The following LINGO2 variants were observed in gnomAD, a reference collection of about 807,000 sequenced individuals.
LINGO2 encodes leucine-rich repeat and immunoglobulin-like domain-containing nogo receptor-interacting protein 2.
Under a neutral mutation model 30.6 loss-of-function variants are expected in LINGO2, and 14 were observed. The observed-to-expected ratio is 0.46, with a 90% CI of 0.30 to 0.72. The LOEUF (loss-of-function observed/expected upper bound fraction) is 0.72. Ranked by LOEUF, LINGO2 falls within the 30% of genes least tolerant of loss-of-function variation. The pLI is 0.07. For missense variants in LINGO2, 729 were observed against 751.7 expected (o/e 0.97, Z 0.35); for synonymous variants, 317 against 288.5 (o/e 1.10, Z -1.00).
intron 3 of LINGO2, among the ~76,000 whole-genome samples, chr9:28,361,734 GT>G (rs983670886): frequency 2.6e-5 from 4 of 151,732 alleles, no homozygotes; most frequent in African/African-American, 7.3e-5. Context: ...TAATTAATAT[GT>G]TTTTTTCCAT....
rs540322489 is a variant in LINGO2, at chr9:28,416,586, G to A, written c.-278-43718C>T. On this transcript the variant is annotated intron_variant, in intron 2 of 5. Transcript: ENST00000379992. ...CAAAGTGTTCCAAATGAATTACAAT[G>A]AGTGAATCCCTTCTATCCCAGCACA... Among the ~76,000 whole-genome samples the A allele has an allele frequency of 2.9e-4, 44 of 152,248 alleles. 1 individual carries two copies. Among genetic ancestry groups the A allele is most frequent in the African/African-American group, 1.0e-3 (42 of 41,546 alleles).
intron 2 of LINGO2, among the ~76,000 whole-genome samples, chr9:28,456,153 C>T (rs1177298596): frequency 6.6e-6 from 1 of 152,168 alleles, no homozygotes; most frequent in Admixed American, 6.6e-5. Context: ...GCTATTCAAT[C>T]ACCACATAAA....
chr9:28,387,273 C>G (rs1821622144), intron 2 of LINGO2, among the ~76,000 whole-genome samples: 1 of 151,964 alleles, frequency 6.6e-6, no homozygotes, highest in Admixed American at 6.6e-5. Flanking sequence ...AATTGGCACT[C>G]TGTGTCTAAA....
chr9:28,574,841 T>C (rs138563559), intron 1 of LINGO2, among the ~76,000 whole-genome samples: 45 of 152,274 alleles, frequency 3.0e-4, no homozygotes, highest in African/African-American at 9.9e-4. Context: ...ATTCTGGGCT[T>C]CTCACTCTCA....
intron 4 of LINGO2, among the ~76,000 whole-genome samples, chr9:28,028,388 G>T (rs997067248): frequency 1.3e-5 from 2 of 152,124 alleles, no homozygotes; most frequent in African/African-American, 4.8e-5. Context: ...GTTACATCAT[G>T]ATGAGCTGGT....
intron 1 of LINGO2, among the ~76,000 whole-genome samples, chr9:28,612,956 T>C (rs746235930): frequency 6.6e-6 from 1 of 152,142 alleles, no homozygotes; most frequent in Non-Finnish European, 1.5e-5. Context: ...AATGGAATCA[T>C]GGGGTGGTTT....
At chr9:28,715,092 T>G in the LINGO2 span, among the ~76,000 whole-genome samples, 1 of 152,254 alleles carries the variant, frequency 6.6e-6, no homozygotes, top group East Asian at 1.9e-4. Flanking sequence ...AACAAAAAAT[T>G]TAGGAAGATC....
At chr9:28,997,371 A>C in the LINGO2 span, among the ~76,000 whole-genome samples, 1 of 152,366 alleles carries the variant, frequency 6.6e-6, no homozygotes, top group African/African-American at 2.4e-5. Flanking sequence ...CCACTGGTCA[A>C]GCATTGTGCT....
At chr9:28,244,220 T>C (rs974413335) in intron 4 of LINGO2, among the ~76,000 whole-genome samples, 1 of 152,176 alleles carries the variant, frequency 6.6e-6, no homozygotes, top group Non-Finnish European at 1.5e-5. Context: ...TACTCCTGAA[T>C]GATTCCTGGG....
intron 5 of LINGO2, among the ~76,000 whole-genome samples, chr9:27,974,830 G>T (rs1250553361): frequency 6.6e-6 from 1 of 152,138 alleles, no homozygotes. Flanking sequence ...GACAGGGCAA[G>T]TGTAAGAATA....
intron 1 of LINGO2, among the ~76,000 whole-genome samples, chr9:28,630,947 A>G (rs1310532759): frequency 6.6e-6 from 1 of 151,800 alleles, no homozygotes; most frequent in South Asian, 2.1e-4. Context: ...CTTTAAATGC[A>G]TTACTAGTGT....
At chr9:27,991,801 G>A (rs1405451451) in intron 5 of LINGO2, among the ~76,000 whole-genome samples, 1 of 152,044 alleles carries the variant, frequency 6.6e-6, no homozygotes, top group Non-Finnish European at 1.5e-5. Context: ...GTCCTGGTAG[G>A]TGTTTGCATT....
intron 4 of LINGO2, among the ~76,000 whole-genome samples, chr9:28,270,771 GC>G: frequency 6.6e-6 from 1 of 152,146 alleles, no homozygotes; most frequent in Admixed American, 6.5e-5. Context: ...TCTATTGAAA[GC>G]TTACTGTGTA....
At chr9:28,878,684 A>G in the LINGO2 span, among the ~76,000 whole-genome samples, 1 of 152,228 alleles carries the variant, frequency 6.6e-6, no homozygotes, top group African/African-American at 2.4e-5. Context: ...CTGGTTCAAT[A>G]TACGCAAATC....
At chr9:28,036,888 A>C (rs1012425106) in intron 4 of LINGO2, among the ~76,000 whole-genome samples, 1 of 152,208 alleles carries the variant, frequency 6.6e-6, no homozygotes, top group Non-Finnish European at 1.5e-5. Flanking sequence ...GCCTCAACAA[A>C]AGGTCTGAAA....
chr9:28,707,062 A>G, the LINGO2 span, among the ~76,000 whole-genome samples: 12 of 152,124 alleles, frequency 7.9e-5, no homozygotes, highest in Non-Finnish European at 1.3e-4. Context: ...TTGGTTTGCA[A>G]TATGAATTCA....
At chr9:29,026,003 T>C in the LINGO2 span, among the ~76,000 whole-genome samples, 1 of 152,134 alleles carries the variant, frequency 6.6e-6, no homozygotes, top group Admixed American at 6.6e-5. Flanking sequence ...ACTGTTCCAT[T>C]GTGCAGAAAT....
At chr9:28,954,710 G>T in the LINGO2 span, among the ~76,000 whole-genome samples, 1 of 152,216 alleles carries the variant, frequency 6.6e-6, no homozygotes, top group African/African-American at 2.4e-5. Flanking sequence ...AACTCCCATG[G>T]TACACGGACA....
At chr9:28,089,405 A>G (rs1826008519) in intron 4 of LINGO2, among the ~76,000 whole-genome samples, 1 of 152,214 alleles carries the variant, frequency 6.6e-6, no homozygotes, top group African/African-American at 2.4e-5. Context: ...CTGAGGATTA[A>G]GAAACTCACT....
Sources: allele counts gnomAD v4.1 joint callset (sites outside exome capture counted in the v4.1 genomes callset), GRCh38; gene constraint gnomAD v4.1.1; transcripts MANE v1.5; gene names NCBI Gene and HGNC (gene_info 2026-07-23, HGNC 2026-07-21).